BICDL1: variants seen among roughly 807,000 people sequenced by gnomAD.
BICDL1 encodes BICD family-like cargo adapter 1.
BICDL1 carries 20 observed loss-of-function variants against 76.8 expected under a neutral mutation model. That is an observed-to-expected ratio of 0.26 (90% CI 0.18 to 0.38). The LOEUF is 0.38. Among genes scored for constraint, BICDL1 ranks in the 10% least tolerant of loss-of-function variants. The pLI, the probability that BICDL1 is intolerant of heterozygous loss-of-function variation, is 1.00. For missense variants in BICDL1, 700 were observed against 798.6 expected, an observed-to-expected ratio of 0.88 and a Z score of 1.49; for synonymous variants, 383 against 337.1, an observed-to-expected ratio of 1.14 and a Z score of -1.49.
At chr12:120,086,917 A>G (rs961924314) in intron 8 of BICDL1, among the ~76,000 whole-genome samples, 20 of 152,254 alleles carry the variant, frequency 1.3e-4, no homozygotes, top group Non-Finnish European at 2.6e-4. Flanking sequence ...GAGGTCGTCC[A>G]GGCAGCCCCT....
In BICDL1 at chr12:120,079,961, G is replaced by GCTTCTTT. The variant is rs1873841055; in HGVS notation, c.1453-926_1453-925insCTTCTTT. Among the ~76,000 whole-genome samples, 2 of 152,254 alleles carry GCTTCTTT rather than the reference G, an allele frequency of 1.3e-5. No homozygotes were observed. The highest frequency in any genetic ancestry group is 1.3e-4 in the Admixed American group (2 of 15,286). On this transcript the variant is annotated intron_variant, in intron 7 of 9. Transcript: ENST00000548673. The surrounding 1 kb of genome is among the most constrained non-coding windows in gnomAD (Gnocchi z 4.3). ...TATTCCCTGTTGGCTTCTTTAGTTG[G>GCTTCTTT]AGGTCAAGCCTTGTGTCACACCAAG...
chr12:119,998,507 C>A lies in BICDL1; in HGVS notation c.430-14C>A. 6.3e-7 allele frequency: 1 copy of A among 1,580,950 alleles called. No homozygotes were observed. Among genetic ancestry groups the A allele is most frequent in the Non-Finnish European group, 8.6e-7 (1 of 1,165,908 alleles). ...ATTTTTATCAGTGTTTAAATCCCTT[C>A]ACTTTTCACCCAGCACTTAGAGCAA... On this transcript the variant is annotated splice_polypyrimidine_tract_variant and intron_variant, in intron 1 of 9. Transcript: ENST00000548673.
At chr12:120,067,381 C>T (rs1566256179) in intron 4 of BICDL1, among the ~76,000 whole-genome samples, 1 of 152,232 alleles carries the variant, frequency 6.6e-6, no homozygotes, top group East Asian at 1.9e-4. Context: ...CACGTAACAT[C>T]ACACCATCCC....
Position 120,071,526 on chromosome 12 carries a change from TTGG to T in BICDL1, c.910-91_910-89del, listed in dbSNP as rs1873104069. The T allele has an allele frequency of 1.2e-5, 17 of 1,427,652 alleles. No individual in the cohort carries two copies. Among genetic ancestry groups the T allele is most frequent in the Non-Finnish European group, 1.5e-5 (16 of 1,079,024 alleles). The allele number at this position is 1,427,652 out of a possible 1,614,324, so 88.4% of individuals were successfully genotyped here. A position where few individuals can be genotyped will look rare whatever the true frequency, so the allele number is the denominator to read the frequency against. On this transcript the variant is annotated intron_variant, in intron 4 of 9. Coordinates refer to ENST00000548673, the MANE Select transcript of BICDL1 (RefSeq NM_001367886.1). The surrounding 1 kb of genome is among the most constrained non-coding windows in gnomAD (Gnocchi z 4.8). ...TCTCTCCTATTTATTTTTCTATAAA[TTGG>T]TGGTTGGATCCAGAAGCATGATCAG...
At position 119,989,579 on chromosome 12, in the gene BICDL1, C is replaced by T. The variant is rs1951467909; in HGVS notation, c.-290C>T. Among the ~76,000 whole-genome samples the T allele has an allele frequency of 6.6e-6, 1 of 150,422 alleles. No individual in the cohort carries two copies. Among genetic ancestry groups the T allele is most frequent in the Non-Finnish European group, 1.5e-5 (1 of 67,356 alleles). ...CCTCAGTCTCTGTTCCTGAGTCCTC[C>T]CTTCCCCAGCCTTCCCGTTCCCACC... On this transcript the variant is annotated 5_prime_UTR_variant, in exon 1 of 10. Coordinates refer to ENST00000548673, the MANE Select transcript of BICDL1 (RefSeq NM_001367886.1).
In BICDL1 at chr12:119,989,811, CT is replaced by C. The variant is rs1291200761; in HGVS notation, c.-57del. On this transcript the variant is annotated 5_prime_UTR_variant, in exon 1 of 10. Transcript: ENST00000548673. ...GGCGGCGCGGCAGGGCCCCTCCCCC[CT>C]GCAGCCTGGCGCGCGCGGGCCGGGC... 1.9e-5 allele frequency: 18 copies of C among 944,026 alleles called. No homozygotes were observed. The highest frequency in any genetic ancestry group is 2.2e-5 in the Non-Finnish European group (17 of 772,662). The allele number at this position is 944,026 out of a possible 1,614,324, so 58.5% of individuals were successfully genotyped here.
At chr12:120,030,836 A>G (rs554674007) in intron 2 of BICDL1, among the ~76,000 whole-genome samples, 55 of 152,170 alleles carry the variant, frequency 3.6e-4, no homozygotes, top group Non-Finnish European at 7.1e-4. Flanking sequence ...TACTTTCAAC[A>G]GTAACTGAGT....
At chr12:120,043,715 T>C (rs1360061334) in intron 2 of BICDL1, among the ~76,000 whole-genome samples, 2 of 152,248 alleles carry the variant, frequency 1.3e-5, no homozygotes, top group Non-Finnish European at 2.9e-5. Flanking sequence ...ACTTGTGGGC[T>C]TAAAGTTAAT....
At chr12:120,085,998 TAAAAAAAAA>T (rs397850497) in intron 8 of BICDL1, among the ~76,000 whole-genome samples, 1 of 129,344 alleles carries the variant, frequency 7.7e-6, no homozygotes, top group Non-Finnish European at 1.7e-5. Flanking sequence ...TTTCTCCCTT[TAAAAAAAAA>T]AAAAAAAAAA....
Position 120,078,450 on chromosome 12 carries a change from G to A in BICDL1, c.1453-2437G>A, listed in dbSNP as rs559525533. 3.3e-5 allele frequency among the ~76,000 whole-genome samples: 5 copies of A among 152,288 alleles called. No individual in the cohort carries two copies. In the South Asian group the frequency reaches 6.2e-4, roughly 19 times the overall value. ...CTTATTTGGGAAAAGTGGATTTAGG[G>A]GTGGATGTAACCTAAGTCTTTGTAT... is the stretch of plus-strand genomic sequence containing the variant. On this transcript the variant is annotated intron_variant, in intron 7 of 9. Coordinates refer to ENST00000548673, the MANE Select transcript of BICDL1 (RefSeq NM_001367886.1).
In BICDL1 at chr12:120,071,105, T is replaced by C. The variant is rs1038060481; in HGVS notation, c.910-517T>C. On this transcript the variant is annotated intron_variant, in intron 4 of 9. Coordinates refer to ENST00000548673, the MANE Select transcript of BICDL1 (RefSeq NM_001367886.1). The surrounding 1 kb of genome is among the most constrained non-coding windows in gnomAD (Gnocchi z 4.8). ...GTTTTTTCCCTTGCAATGTTTTTGT[T>C]AAGGAAATGGAGTTGTTTGTCCTAT... Among the ~76,000 whole-genome samples the C allele has an allele frequency of 7.2e-5, 11 of 152,136 alleles. No homozygotes were observed. The highest frequency in any genetic ancestry group is 2.7e-4 in the African/African-American group (11 of 41,422).
intron 8 of BICDL1, among the ~76,000 whole-genome samples, chr12:120,085,965 GA>G (rs747229584): frequency 6.8e-6 from 1 of 146,506 alleles, no homozygotes; most frequent in Non-Finnish European, 1.5e-5. Context: ...GGGTGCAGGA[GA>G]GAAGAAGCAA....
Position 120,079,852 on chromosome 12 carries a change from T to C in BICDL1, c.1453-1035T>C, listed in dbSNP as rs1749337235. On this transcript the variant is annotated intron_variant, in intron 7 of 9. Transcript: ENST00000548673. The surrounding 1 kb of genome is among the most constrained non-coding windows in gnomAD (Gnocchi z 4.3). Reference sequence around the variant, plus strand: ...TCCCTCGCCTGGGGCTTTGCTGTGCTCAGAGCTGCAGTCCCTGGAAGGGGT... The same window carrying C: ...TCCCTCGCCTGGGGCTTTGCTGTGCCCAGAGCTGCAGTCCCTGGAAGGGGT... Among the ~76,000 whole-genome samples, 1 of 152,224 alleles carries C rather than the reference T, an allele frequency of 6.6e-6. No homozygotes were observed. The highest frequency in any genetic ancestry group is 1.5e-5 in the Non-Finnish European group (1 of 68,036).
chr12:120,088,844 T>G (rs1874675326), intron 8 of BICDL1, among the ~76,000 whole-genome samples: 1 of 151,780 alleles, frequency 6.6e-6, no homozygotes, highest in Non-Finnish European at 1.5e-5. Flanking sequence ...TTTTTGGTAT[T>G]TTTAGTAGAG....
chr12:120,010,362 T>G (rs912685907), intron 2 of BICDL1, among the ~76,000 whole-genome samples: 17 of 152,274 alleles, frequency 1.1e-4, no homozygotes, highest in African/African-American at 3.6e-4. Flanking sequence ...TTTGGAAAGG[T>G]CTAATTTTTC....
chr12:120,088,833 AT>A (rs1874673425), intron 8 of BICDL1, among the ~76,000 whole-genome samples: 1 of 151,246 alleles, frequency 6.6e-6, no homozygotes, highest in South Asian at 2.1e-4. Context: ...TGCCTGGCTA[AT>A]TTTTGGTATT....
Position 120,075,073 on chromosome 12 carries a change from T to C in BICDL1, c.1452+487T>C, listed in dbSNP as rs79583427. 1.4e-4 allele frequency among the ~76,000 whole-genome samples: 22 copies of C among 152,332 alleles called. No homozygotes were observed. The East Asian group carries it at 3.5e-3, about 24-fold the overall frequency. On this transcript the variant is annotated intron_variant, in intron 7 of 9. Coordinates refer to ENST00000548673, the MANE Select transcript of BICDL1 (RefSeq NM_001367886.1). ...TCATTTGATCACGATTTCATCTCTC[T>C]AGAGAACGCTGAAGGAAGACATTTA...
At chr12:119,992,704 A>G (rs1951549982) in intron 1 of BICDL1, 1 of 152,226 alleles carries the variant, frequency 6.6e-6, no homozygotes, top group South Asian at 2.1e-4. Context: ...AATTAAATCA[A>G]ACACTTGGGA....
At chr12:120,006,268 A>G (rs1459973187) in intron 2 of BICDL1, among the ~76,000 whole-genome samples, 2 of 152,196 alleles carry the variant, frequency 1.3e-5, no homozygotes, top group South Asian at 4.1e-4. Flanking sequence ...TTTGCTTTAT[A>G]ATTATTTGTT....
Sources: allele counts gnomAD v4.1 joint callset (sites outside exome capture counted in the v4.1 genomes callset), GRCh38; gene constraint gnomAD v4.1.1; non-coding constraint Gnocchi (gnomAD v3.1); transcripts MANE v1.5; gene names NCBI Gene and HGNC (gene_info 2026-07-23, HGNC 2026-07-21).